The following LCT variants were observed in gnomAD, a reference collection of about 807,000 sequenced individuals.
LCT encodes the protein lactase.
LCT carries 90 observed loss-of-function variants against 173.0 expected under a neutral mutation model. The observed-to-expected ratio is 0.52, with a 90% CI of 0.44 to 0.62. The LOEUF is 0.62. Among genes scored for constraint, LCT ranks in the 20% least tolerant of loss-of-function variants. The pLI is 0.00. For missense variants in LCT, 1,864 were observed against 2,431.4 expected (o/e 0.77, Z 4.91); for synonymous variants, 853 against 957.6 (o/e 0.89, Z 2.02).
intron 5 of LCT, 125 bp downstream of exon 5, chr2:135,821,895 T>A (rs577714420): frequency 5.7e-6 from 4 of 703,486 alleles, no homozygotes; most frequent in South Asian, 3.1e-5. Context: ...ATCAATTGAA[T>A]GGCAATAAAC....
At chr2:135,788,615 G>C in intron 16 of LCT, 71 bp from the exon 17 acceptor site, 1 of 981,398 alleles carries the variant, frequency 1.0e-6, no homozygotes, top group South Asian at 1.3e-5. Flanking sequence ...TGAGACCCCA[G>C]CAGAGGCTGC....
At chr2:135,813,296 G>A (rs1188691282) in intron 6 of LCT, among the ~76,000 whole-genome samples, 1 of 152,122 alleles carries the variant, frequency 6.6e-6, no homozygotes, top group African/African-American at 2.4e-5. Context: ...TATCAACGAT[G>A]TTGATGTCAA....
chr2:135,804,334 A>G (rs1298321528), intron 10 of LCT, among the ~76,000 whole-genome samples: 1 of 152,208 alleles, frequency 6.6e-6, no homozygotes, highest in East Asian at 1.9e-4. Flanking sequence ...TTGGGAAGGA[A>G]ACTCTTTTAT....
intron 14 of LCT, among the ~76,000 whole-genome samples, chr2:135,791,698 G>A (rs2077534467): frequency 6.6e-6 from 1 of 152,192 alleles, no homozygotes; most frequent in African/African-American, 2.4e-5. Flanking sequence ...AGAATCAGAA[G>A]GAGTAGAGGG....
In LCT at chr2:135,829,674, G is replaced by A. The variant is rs1422475448; in HGVS notation, c.723C>T (p.Asp241=). Residue 241 remains aspartate, a splice_region_variant and synonymous_variant, in exon 3 of 17, where the codon GAC becomes GAT. Transcript: ENST00000264162. ...LEPPISALAQ[D]TVDFLSLDLS... Reference sequence around the variant, plus strand: ...AATCAAGAGAGAGGAAATCGACCGTGTCCTGAAAATAGTAGTTAAATAGGG... The same window carrying A: ...AATCAAGAGAGAGGAAATCGACCGTATCCTGAAAATAGTAGTTAAATAGGG... 6.2e-7 allele frequency: 1 copy of A among 1,608,984 alleles called. No individual in the cohort carries two copies. The highest frequency in any genetic ancestry group is 1.3e-5 in the African/African-American group (1 of 74,772).
chr2:135,818,217 C>A (rs1446020302), intron 5 of LCT, among the ~76,000 whole-genome samples, 156 bp from the exon 6 acceptor site: 2 of 152,160 alleles, frequency 1.3e-5, no homozygotes, highest in Non-Finnish European at 1.5e-5. Flanking sequence ...AAGTAACTGG[C>A]AGATGGGAAA....
In LCT at chr2:135,812,573, G is replaced by A. The variant is rs765852581; in HGVS notation, c.2091C>T (p.Asn697=). ...TGGTATCATAGCTAGGGATGCAGGT[G>A]TTTTGTGGGGCGTTGCTGATGAGGC... is the stretch of plus-strand genomic sequence containing the variant. ...TSRLISNAPQ[N]TCIPSYDTIG... Residue 697 remains asparagine (N), a synonymous_variant, in exon 7 of 17, where the codon AAC becomes AAT. Transcript: ENST00000264162. 1.2e-6 allele frequency: 2 copies of A among 1,613,560 alleles called. No homozygotes were observed. Among genetic ancestry groups the A allele is most frequent in the East Asian group, 2.2e-5 (1 of 44,872 alleles).
rs187725413 is a variant in LCT at position 135,820,821 on chromosome 2, G to A, written c.986+1199C>T. ...ATTCTTTTCTCATTCACTCAAGAGC[G>A]TATTGGGATATGCGTGCATGAAAGC... On this transcript the variant is annotated intron_variant, in intron 5 of 16. Coordinates refer to ENST00000264162, the MANE Select transcript of LCT (RefSeq NM_002299.4). Among the ~76,000 whole-genome samples the A allele has an allele frequency of 5.2e-4, 79 of 152,072 alleles. 1 individual carries two copies. The highest frequency in any genetic ancestry group is 2.0e-3 in the Admixed American group (30 of 15,276).
chr2:135,813,557 C>G (rs2077753110), intron 6 of LCT, among the ~76,000 whole-genome samples: 1 of 152,186 alleles, frequency 6.6e-6, no homozygotes, highest in South Asian at 2.1e-4. Context: ...CCTCATATGG[C>G]AGGTACAATT....
At chr2:135,797,946 G>A in intron 13 of LCT, 83 bp downstream of exon 13, 1 of 809,216 alleles carries the variant, frequency 1.2e-6, no homozygotes. Context: ...AAGCAAAGAA[G>A]CTCAGTCATG....
rs145675753 is a variant in LCT, at chr2:135,796,243, C to G, written c.4977-1468G>C. 6.6e-4 allele frequency among the ~76,000 whole-genome samples: 101 copies of G among 152,358 alleles called. 1 individual carries two copies. The highest frequency in any genetic ancestry group is 2.3e-3 in the African/African-American group (96 of 41,580). Reference sequence around the variant, plus strand: ...AGATGCCCTGCTGAGGCCTCTGACACTTTCATCTTGACCTTTCTGCTACCA... The same window carrying G: ...AGATGCCCTGCTGAGGCCTCTGACAGTTTCATCTTGACCTTTCTGCTACCA... On this transcript the variant is annotated intron_variant, in intron 13 of 16. Coordinates refer to ENST00000264162, the MANE Select transcript of LCT (RefSeq NM_002299.4).
chr2:135,826,657 G>A (rs1269838153), intron 3 of LCT, among the ~76,000 whole-genome samples: 1 of 152,164 alleles, frequency 6.6e-6, no homozygotes, highest in African/African-American at 2.4e-5. Flanking sequence ...GCCTGTCAGA[G>A]GCACGCCACC....
At chr2:135,800,846 T>G (rs760360644) in intron 11 of LCT, 37 bp from the exon 12 acceptor site, 7 of 1,504,192 alleles carry the variant, frequency 4.7e-6, no homozygotes, top group East Asian at 2.3e-5. Flanking sequence ...AGAGAATGGA[T>G]AGAATGGATG....
intron 2 of LCT, among the ~76,000 whole-genome samples, chr2:135,832,625 C>T (rs2077949507): frequency 1.3e-5 from 2 of 151,774 alleles, no homozygotes; most frequent in African/African-American, 2.4e-5. Flanking sequence ...GCTGGAACTA[C>T]AGGCATGCAT....
In LCT at chr2:135,812,477, G is replaced by A. The variant is rs751169711; in HGVS notation, c.2187C>T (p.Pro729=). The A allele has an allele frequency of 1.1e-5, 17 of 1,614,098 alleles. No individual in the cohort carries two copies. In the African/African-American group the frequency reaches 2.1e-4, roughly 20 times the overall value. ...QTSSSWIRVV[P]WGIRRLLQFV... is the part of the protein sequence containing the mutation. ...ACTGCAACAGCCTCCTTATCCCCCA[G>A]GGCACCACACGAATCCAAGAGGATG... Residue 729 remains proline (P), a synonymous_variant, in exon 7 of 17, where the codon CCC becomes CCT. Coordinates refer to ENST00000264162, the MANE Select transcript of LCT (RefSeq NM_002299.4).
At chr2:135,797,165 C>T (rs1287415054) in intron 13 of LCT, among the ~76,000 whole-genome samples, 1 of 152,134 alleles carries the variant, frequency 6.6e-6, no homozygotes, top group Non-Finnish European at 1.5e-5. Context: ...CCAGCCTGGT[C>T]TTGAACTCAT....
chr2:135,802,758 T>G (rs935209869), intron 11 of LCT, among the ~76,000 whole-genome samples: 2 of 152,100 alleles, frequency 1.3e-5, no homozygotes, highest in African/African-American at 4.8e-5. Context: ...GGATACAAAG[T>G]TAAGCTAGAT....
intron 11 of LCT, among the ~76,000 whole-genome samples, chr2:135,803,005 GGGAGGCT>G (rs1322567684): frequency 7.0e-4 from 106 of 152,110 alleles, no homozygotes; most frequent in Non-Finnish European, 1.3e-4. Context: ...CCAGCTACTT[GGGAGGCT>G]GAGGCAGGAG....
chr2:135,805,033 C>T lies in LCT; in HGVS notation c.4198G>A (p.Gly1400Ser), dbSNP rs988407821. ...YQIEGAWRAD[G>S]KGLSIWDTFS... ...GTGTCCCAAATGCTGAGTCCTTTGC[C>T]ATCTGCTCTCCACGCACCTTCAATC... is the stretch of plus-strand genomic sequence containing the variant. Residue 1400 changes from glycine to serine, a missense_variant, in exon 10 of 17, where the codon GGC becomes AGC. Around this residue, in one of 4 missense-constraint regions of LCT, gnomAD observed 514 missense variants for 750.1 expected, o/e 0.69. Coordinates refer to ENST00000264162, the MANE Select transcript of LCT (RefSeq NM_002299.4). 2.5e-6 allele frequency: 4 copies of T among 1,614,060 alleles called. No homozygotes were observed. In the Admixed American group the frequency reaches 6.7e-5, roughly 27 times the overall value.
Sources: gnomAD v4.1 joint callset for allele counts (sites outside exome capture counted in the v4.1 genomes callset) on GRCh38, gnomAD v4.1.1 for gene constraint, gnomAD v4.1.1 regional missense constraint, MANE v1.5 for transcripts, NCBI Gene and HGNC (gene_info 2026-07-23, HGNC 2026-07-21) for gene names.